The following MGST1 variants were observed in gnomAD, a reference collection of about 807,000 sequenced individuals.
MGST1 encodes glutathione S-transferase 12.
In MGST1, 5 loss-of-function variants were observed where a neutral mutation model predicts 8.9. That is an observed-to-expected ratio of 0.56 (90% CI 0.29 to 1.19). MGST1 has a LOEUF of 1.19. MGST1 is among the 50% of genes most tolerant of loss of function. The probability of loss-of-function intolerance (pLI) is 0.08; values close to 1 mark genes in which losing one functional copy is unlikely to be tolerated. For synonymous variants in MGST1, 54 were observed against 67.8 expected, an observed-to-expected ratio of 0.80 and a Z score of 1.00; for missense variants, 182 against 187.4, an observed-to-expected ratio of 0.97 and a Z score of 0.17.
intron 4 of MGST1, among the ~76,000 whole-genome samples, chr12:16,530,879 G>A (rs1941718311): frequency 6.6e-6 from 1 of 152,002 alleles, no homozygotes; most frequent in Non-Finnish European, 1.5e-5. Flanking sequence ...TTCACTAAAA[G>A]TAAGAGCATG....
At chr12:16,399,219 A>T in intron 1 of MGST1, 1 of 1,463,996 alleles carries the variant, frequency 6.8e-7, no homozygotes, top group Non-Finnish European at 9.4e-7. Flanking sequence ...TATGTCATGT[A>T]AAATTTTCAG....
At chr12:16,414,069 A>AT (rs1389944136) in intron 1 of MGST1, among the ~76,000 whole-genome samples, 6 of 140,386 alleles carry the variant, frequency 4.3e-5, no homozygotes, top group Admixed American at 3.6e-4. Context: ...ATACAAAAAA[A>AT]AAAATAATAA....
At position 16,429,478 on chromosome 12, in the gene MGST1, T is replaced by C. The variant is rs1940920670; in HGVS notation, n.779-7910T>C. Among the ~76,000 whole-genome samples the C allele has an allele frequency of 1.4e-5, 2 of 140,520 alleles. 1 individual carries two copies. The highest frequency in any genetic ancestry group is 4.8e-4 in the South Asian group (2 of 4,206). 92.2% of individuals were successfully genotyped at this position (140,520 alleles called of 152,430 possible). A position where few individuals can be genotyped will look rare whatever the true frequency, so the allele number is the denominator to read the frequency against. The stretch of plus-strand genomic sequence containing the variant: ...CTGAGTTATTTCTTCAATCATATCT[T>C]TTGATTCCTGCTAGTCATCCTTTTT... On this transcript the variant is annotated intron_variant and non_coding_transcript_variant, in intron 1 of 1. Coordinates refer to the MGST1 transcript ENST00000359720.
intron 1 of MGST1, among the ~76,000 whole-genome samples, chr12:16,431,459 T>C (rs1940939494): frequency 1.3e-5 from 2 of 152,136 alleles, no homozygotes; most frequent in South Asian, 4.1e-4. Flanking sequence ...GCAACTCTTT[T>C]TTTTTTTTAC....
chr12:16,395,802 TATAC>T lies in MGST1; in HGVS notation n.778+12200_778+12203del, dbSNP rs1217315408. On this transcript the variant is annotated intron_variant and non_coding_transcript_variant, in intron 1 of 1. Transcript: ENST00000359720. ...CATCATATATATATATATATATATA[TATAC>T]ACACACACACACACACACACCACAA... is the stretch of plus-strand genomic sequence containing the variant. Among the ~76,000 whole-genome samples the T allele has an allele frequency of 2.4e-4, 33 of 135,758 alleles. 1 individual carries two copies. Among genetic ancestry groups the T allele is most frequent in the African/African-American group, 9.3e-4 (32 of 34,506 alleles). 89.1% of individuals were successfully genotyped at this position (135,758 alleles called of 152,430 possible).
intron 4 of MGST1, among the ~76,000 whole-genome samples, chr12:16,499,205 A>G (rs1473463626): frequency 6.6e-6 from 1 of 152,210 alleles, no homozygotes; most frequent in East Asian, 1.9e-4. Context: ...GCTGATGCAA[A>G]ATTTACATGT....
rs573127954 is a variant in MGST1 at position 16,370,332 on chromosome 12, T to G, written c.222-5790T>G. On this transcript the variant is annotated intron_variant, in intron 3 of 3. Transcript: ENST00000535309. ...CTTATCGCCTCTATAACTAAGTTGG[T>G]TCCCAAACTGTGCCCAGTCTGTTCT... is the stretch of plus-strand genomic sequence containing the variant. 6 of 152,260 alleles carry G rather than the reference T, an allele frequency of 3.9e-5. No homozygotes were observed. The South Asian group carries it at 1.2e-3, about 32-fold the overall frequency. 9.4% of individuals were successfully genotyped at this position (152,260 alleles called of 1,614,324 possible).
chr12:16,473,581 CT>C (rs1941302145), intron 4 of MGST1, among the ~76,000 whole-genome samples: 1 of 152,142 alleles, frequency 6.6e-6, no homozygotes, highest in Admixed American at 6.6e-5. Context: ...TAGAAATAAT[CT>C]TTCTATTTAT....
intron 4 of MGST1, among the ~76,000 whole-genome samples, chr12:16,579,114 A>T (rs1205308399): frequency 6.6e-6 from 1 of 152,090 alleles, no homozygotes; most frequent in Non-Finnish European, 1.5e-5. Context: ...AAGGTCATAA[A>T]CTTCCACAGG....
chr12:16,401,363 T>C lies in MGST1; in HGVS notation n.778+17759T>C. Reference sequence around the variant, plus strand: ...ACTAGGAAGCTTTCATGGAATTCAATTCCCACCCCAAATCCTAGGTTTCTG... The same window carrying C: ...ACTAGGAAGCTTTCATGGAATTCAACTCCCACCCCAAATCCTAGGTTTCTG... On this transcript the variant is annotated intron_variant and non_coding_transcript_variant, in intron 1 of 1. Transcript: ENST00000359720. The surrounding 1 kb of genome is among the most constrained non-coding windows in gnomAD (Gnocchi z 4.3). 1 of 1,207,242 alleles carries C rather than the reference T, an allele frequency of 8.3e-7. No homozygotes were observed. Among genetic ancestry groups the C allele is most frequent in the South Asian group, 1.2e-5 (1 of 82,920 alleles). The allele number at this position is 1,207,242 out of a possible 1,614,324, so 74.8% of individuals were successfully genotyped here. A position where few individuals can be genotyped will look rare whatever the true frequency, so the allele number is the denominator to read the frequency against.
chr12:16,392,642 T>C (rs1466289812), intron 1 of MGST1, among the ~76,000 whole-genome samples: 3 of 152,146 alleles, frequency 2.0e-5, no homozygotes, highest in African/African-American at 7.2e-5. Context: ...ATATTGCTTA[T>C]AGTCTTATAG....
downstream of MGST1, among the ~76,000 whole-genome samples, chr12:16,366,595 G>T (rs1484827280): frequency 6.6e-6 from 1 of 151,048 alleles, no homozygotes; most frequent in East Asian, 2.0e-4. The surrounding 1 kb of genome is among the most constrained non-coding windows in gnomAD (Gnocchi z 4.0). Context: ...CAAAGATTGT[G>T]GTTATCTTTC....
At chr12:16,440,426 T>G (rs939605296), downstream of MGST1, among the ~76,000 whole-genome samples, 1 of 149,948 alleles carries the variant, frequency 6.7e-6, no homozygotes, top group Admixed American at 6.6e-5. Context: ...AGGTAACTTC[T>G]TTTTTGATTT....
At chr12:16,357,749 A>G (rs1233587608) in intron 3 of MGST1, 50 bp downstream of exon 3, 2 of 1,524,846 alleles carry the variant, frequency 1.3e-6, no homozygotes, top group African/African-American at 1.4e-5. Context: ...AATTTTGGTC[A>G]AGGAGTTCAG....
In MGST1 at chr12:16,401,280, C is replaced by T. The variant is rs1021008836; in HGVS notation, n.778+17676C>T. 1 of 1,544,034 alleles carries T rather than the reference C, an allele frequency of 6.5e-7. No homozygotes were observed. Among genetic ancestry groups the T allele is most frequent in the South Asian group, 1.1e-5 (1 of 89,614 alleles). On this transcript the variant is annotated intron_variant and non_coding_transcript_variant, in intron 1 of 1. Coordinates refer to the MGST1 transcript ENST00000359720. This position sits in a 1 kb window ranked among gnomAD's most constrained non-coding sequence, Gnocchi z 4.3. ...CCTTGTTAGTCAGGTCTGAGAATCC[C>T]AAACTGATGCTGAAAACCATTCCTG... is the stretch of plus-strand genomic sequence containing the variant.
rs183876137 is a variant in MGST1, at chr12:16,506,767, T to A, written n.483-82761T>A. On this transcript the variant is annotated intron_variant and non_coding_transcript_variant, in intron 4 of 4. Coordinates refer to the MGST1 transcript ENST00000538857. ...ATTTGATTTTTTAAGGAAAAAAGAC[T>A]ACTTTTTCTTGACTGAACACTGGTA... Among the ~76,000 whole-genome samples the A allele has an allele frequency of 4.8e-3, 733 of 152,320 alleles. 8 individuals carry two copies. The highest frequency in any genetic ancestry group is 0.017 in the African/African-American group (708 of 41,586).
intron 4 of MGST1, among the ~76,000 whole-genome samples, chr12:16,449,367 T>A (rs913487014): frequency 6.6e-6 from 1 of 151,782 alleles, no homozygotes; most frequent in African/African-American, 2.4e-5. Flanking sequence ...TGGTGCTAAA[T>A]CATTCATGAA....
At chr12:16,352,382 C>T (rs1232994442) in intron 1 of MGST1, among the ~76,000 whole-genome samples, 1 of 152,036 alleles carries the variant, frequency 6.6e-6, no homozygotes, top group Non-Finnish European at 1.5e-5. Flanking sequence ...AATAAGGACA[C>T]AATGCAGGGG....
intron 4 of MGST1, chr12:16,550,669 G>C (rs1339436607): frequency 6.6e-6 from 1 of 152,476 alleles, no homozygotes; most frequent in Non-Finnish European, 1.5e-5. Context: ...AATGCTCTGT[G>C]TGTGTCTTTA....
Sources: gnomAD v4.1 joint callset for allele counts (sites outside exome capture counted in the v4.1 genomes callset) on GRCh38, gnomAD v4.1.1 for gene constraint, Gnocchi (gnomAD v3.1) non-coding constraint, MANE v1.5 for transcripts, NCBI Gene and HGNC (gene_info 2026-07-23, HGNC 2026-07-21) for gene names.